The following C14orf39 variants were observed in gnomAD, a reference collection of about 807,000 sequenced individuals.
C14orf39 encodes the protein protein SIX6OS1.
Under a neutral mutation model 85.6 loss-of-function variants are expected in C14orf39, and 66 were observed. The observed-to-expected ratio is 0.77, with a 90% CI of 0.63 to 0.95. C14orf39 has a LOEUF of 0.95. C14orf39 is among the 40% of genes least tolerant of loss of function. The pLI, the probability that C14orf39 is intolerant of heterozygous loss-of-function variation, is 0.00. For missense variants in C14orf39, 735 were observed against 663.9 expected (o/e 1.11, Z -1.18); for synonymous variants, 242 against 214.0 (o/e 1.13, Z -1.14).
At chr14:60,459,015 G>A (rs1037260168) in intron 13 of C14orf39, among the ~76,000 whole-genome samples, 3 of 151,634 alleles carry the variant, frequency 2.0e-5, no homozygotes, top group African/African-American at 7.3e-5. Flanking sequence ...ACCATGTCTT[G>A]CTCCTCAGAG....
At chr14:60,469,175 C>T (rs1229832326) in intron 8 of C14orf39, among the ~76,000 whole-genome samples, 4 of 150,694 alleles carry the variant, frequency 2.7e-5, no homozygotes, top group African/African-American at 7.3e-5. Context: ...AAAACACTGG[C>T]GTAGATCTTT....
chr14:60,471,501 T>C (rs1892074507), intron 6 of C14orf39, 42 bp from the exon 7 acceptor site: 10 of 1,576,074 alleles, frequency 6.3e-6, no homozygotes, highest in Non-Finnish European at 7.7e-6. Context: ...ATTATATTCT[T>C]TTCATTACAA....
At chr14:60,448,569 T>C (rs1299946925) in intron 16 of C14orf39, among the ~76,000 whole-genome samples, 3 of 152,144 alleles carry the variant, frequency 2.0e-5, no homozygotes, top group Non-Finnish European at 4.4e-5. Context: ...AGGAACACTT[T>C]TACAGTGTTC....
Position 60,467,112 on chromosome 14 carries a change from G to A in C14orf39, c.768-68C>T, listed in dbSNP as rs558930445. Reference sequence around the variant, plus strand: ...AATTAACATATTTTAAAGCTAGGAGGCATATTTAGATACTATATAATAAAA... The same window carrying A: ...AATTAACATATTTTAAAGCTAGGAGACATATTTAGATACTATATAATAAAA... On this transcript the variant is annotated intron_variant, in intron 9 of 17. Transcript: ENST00000321731. The A allele has an allele frequency of 6.3e-6, 5 of 795,282 alleles. No individual in the cohort carries two copies. In the Admixed American group the frequency reaches 1.6e-4, roughly 25 times the overall value. 49.3% of individuals were successfully genotyped at this position (795,282 alleles called of 1,614,324 possible).
At chr14:60,511,400 GC>G in intron 1 of C14orf39, 2 of 956,516 alleles carry the variant, frequency 2.1e-6, no homozygotes, top group Non-Finnish European at 3.2e-6. Flanking sequence ...GCCGTTTCCC[GC>G]CCCACCCCGC....
chr14:60,444,882 T>C (rs551475887), intron 16 of C14orf39, among the ~76,000 whole-genome samples: 29 of 152,172 alleles, frequency 1.9e-4, no homozygotes, highest in South Asian at 6.2e-4. Context: ...GCAGAAACCC[T>C]ACAAGCCAGA....
chr14:60,473,288 T>C (rs1892194591), intron 5 of C14orf39, among the ~76,000 whole-genome samples: 1 of 152,252 alleles, frequency 6.6e-6, no homozygotes, highest in Admixed American at 6.5e-5. Context: ...AAGTTCATTA[T>C]AGATTCTGGA....
chr14:60,468,384 T>C (rs1717662012), intron 9 of C14orf39, 61 bp downstream of exon 9: 1 of 1,060,598 alleles, frequency 9.4e-7, no homozygotes, highest in Non-Finnish European at 1.4e-6. Flanking sequence ...GAATATAGAA[T>C]CAAACTTTTA....
At chr14:60,463,491 C>T (rs981729938) in intron 11 of C14orf39, among the ~76,000 whole-genome samples, 6 of 151,838 alleles carry the variant, frequency 4.0e-5, no homozygotes, top group African/African-American at 1.5e-4. Context: ...ACAAATGTTT[C>T]GGGTGATGGA....
intron 16 of C14orf39, among the ~76,000 whole-genome samples, chr14:60,449,241 T>G (rs936167032): frequency 3.3e-5 from 5 of 152,160 alleles, no homozygotes; most frequent in African/African-American, 1.2e-4. Flanking sequence ...TTCTTTTGCT[T>G]CTTCTTCCAC....
intron 5 of C14orf39, among the ~76,000 whole-genome samples, chr14:60,478,021 T>C (rs1429357329): frequency 6.6e-6 from 1 of 151,496 alleles, no homozygotes; most frequent in Non-Finnish European, 1.5e-5. Context: ...CTACTAAAAA[T>C]ACACAAAATT....
At chr14:60,448,303 G>A (rs566560665) in intron 16 of C14orf39, among the ~76,000 whole-genome samples, 38 of 152,110 alleles carry the variant, frequency 2.5e-4, no homozygotes, top group African/African-American at 8.4e-4. Flanking sequence ...ATCTGACAAC[G>A]GGCTAATATC....
chr14:60,473,447 G>A (rs1160179964), intron 5 of C14orf39, among the ~76,000 whole-genome samples: 1 of 152,130 alleles, frequency 6.6e-6, no homozygotes, highest in Non-Finnish European at 1.5e-5. Flanking sequence ...TGTTGCCATT[G>A]CTTTTGGTGT....
chr14:60,502,757 T>C (rs1478302225), intron 1 of C14orf39, among the ~76,000 whole-genome samples: 1 of 152,242 alleles, frequency 6.6e-6, no homozygotes, highest in East Asian at 1.9e-4. Context: ...CCACTGGGGC[T>C]TAAGCAGCCT....
intron 11 of C14orf39, among the ~76,000 whole-genome samples, chr14:60,462,587 T>TA (rs1418952416): frequency 8.5e-5 from 13 of 152,128 alleles, no homozygotes; most frequent in Non-Finnish European, 1.9e-4. Context: ...AATTCTGTCA[T>TA]CTTACTGTGC....
chr14:60,458,550 C>G, intron 14 of C14orf39, 128 bp downstream of exon 14: 2 of 606,252 alleles, frequency 3.3e-6, no homozygotes, highest in Non-Finnish European at 5.4e-6. Context: ...CTGTAACTCT[C>G]TAGAAACCTG....
chr14:60,474,206 G>A (rs1892251563), intron 5 of C14orf39, among the ~76,000 whole-genome samples: 1 of 152,072 alleles, frequency 6.6e-6, no homozygotes, highest in Admixed American at 6.6e-5. Flanking sequence ...CTGTTTGTCT[G>A]TTATTGGTGT....
chr14:60,478,681 T>C (rs375903376), intron 4 of C14orf39, among the ~76,000 whole-genome samples: 3 of 152,310 alleles, frequency 2.0e-5, no homozygotes, highest in African/African-American at 7.2e-5. Context: ...GCTATTGCAT[T>C]TCTATTATAC....
At chr14:60,456,297 A>T (rs963886904) in intron 15 of C14orf39, among the ~76,000 whole-genome samples, 1 of 152,092 alleles carries the variant, frequency 6.6e-6, no homozygotes, top group African/African-American at 2.4e-5. Context: ...ATTTATGCCT[A>T]AAGAGCTTGC....
Sources: allele counts gnomAD v4.1 joint callset (sites outside exome capture counted in the v4.1 genomes callset), GRCh38; gene constraint gnomAD v4.1.1; transcripts MANE v1.5; gene names NCBI Gene and HGNC (gene_info 2026-07-23, HGNC 2026-07-21).